The following DOCK10 variants were observed in gnomAD, a reference collection of about 807,000 sequenced individuals.
The protein encoded by DOCK10 is dedicator of cytokinesis 10, also known as dedicator of cytokinesis protein 10.
In DOCK10, 145 loss-of-function variants were observed where a neutral mutation model predicts 280.1. The observed-to-expected ratio is 0.52, with a 90% CI of 0.45 to 0.59. DOCK10 has a LOEUF of 0.59. Ranked by LOEUF, DOCK10 falls within the 20% of genes least tolerant of loss-of-function variation. DOCK10 has a pLI of 0.00. For missense variants in DOCK10, 2,368 were observed against 2,651.7 expected (o/e 0.89, Z 2.35); for synonymous variants, 915 against 942.2 (o/e 0.97, Z 0.53).
chr2:225,013,792 C>A (rs1436385721), intron 1 of DOCK10, among the ~76,000 whole-genome samples: 3 of 152,070 alleles, frequency 2.0e-5, no homozygotes, highest in Non-Finnish European at 4.4e-5. Flanking sequence ...GTTCAACCAC[C>A]AGCTCTGCAA....
chr2:225,010,302 A>G (rs1314623060), intron 1 of DOCK10, among the ~76,000 whole-genome samples: 1 of 152,100 alleles, frequency 6.6e-6, no homozygotes, highest in East Asian at 1.9e-4. Context: ...AATTTTAACA[A>G]GAAGCCTAAA....
chr2:224,845,211 T>C lies in DOCK10; in HGVS notation c.2473A>G (p.Ser825Gly). The C allele has an allele frequency of 6.4e-7, 1 of 1,574,526 alleles. No individual in the cohort carries two copies. Among genetic ancestry groups the C allele is most frequent in the Non-Finnish European group, 8.6e-7 (1 of 1,158,164 alleles). The part of the protein sequence containing the change: ...PNYLSFQDSA[S>G]GKHGGSDIKW... The stretch of plus-strand genomic sequence containing the variant: ...TACACATTATTCAATACCTTTCCAC[T>C]TGCAGAATCTTGAAAGCTTAAATAA... Residue 825 changes from serine to glycine, a missense_variant, in exon 21 of 56, where the codon AGT becomes GGT. Transcript: ENST00000258390.
chr2:224,849,558 G>A lies in DOCK10; in HGVS notation c.2184C>T (p.Ala728=), dbSNP rs546263956. Reference sequence around the variant, plus strand: ...AGTGGTGCAGAACTGCTGTGTAGGCGGCTGAGGTGAAGAGGGGCCCTCCAG... The same window carrying A: ...AGTGGTGCAGAACTGCTGTGTAGGCAGCTGAGGTGAAGAGGGGCCCTCCAG... ...GKPGGPLFTS[A]AYTAVLHHSQ... The change falls in exon 19 of 56, where the codon GCC becomes GCT. Residue 728 remains alanine (A), a synonymous_variant. Transcript: ENST00000258390. 26 of 1,611,940 alleles carry A rather than the reference G, an allele frequency of 1.6e-5. No individual in the cohort carries two copies. Among genetic ancestry groups the A allele is most frequent in the East Asian group, 1.1e-4 (5 of 44,838 alleles).
intron 48 of DOCK10, among the ~76,000 whole-genome samples, chr2:224,788,660 C>T (rs1574822828): frequency 6.6e-6 from 1 of 152,056 alleles, no homozygotes; most frequent in East Asian, 1.9e-4. Context: ...TGAAAAATAA[C>T]TCTGGTTATT....
chr2:224,855,919 A>G lies in DOCK10; in HGVS notation c.1809-877T>C, dbSNP rs570573613. On this transcript the variant is annotated intron_variant, in intron 15 of 55. Transcript: ENST00000258390. ...TAAACACAAAGGTAATAAGTATTCAAAATTCACCACTTTCTGATTATTTTA... is the reference window on the plus strand; with the variant it reads ...TAAACACAAAGGTAATAAGTATTCAGAATTCACCACTTTCTGATTATTTTA... Among the ~76,000 whole-genome samples the G allele has an allele frequency of 2.0e-5, 3 of 152,378 alleles. No individual in the cohort carries two copies. In the East Asian group the frequency reaches 5.8e-4, roughly 29 times the overall value.
intron 1 of DOCK10, among the ~76,000 whole-genome samples, chr2:225,006,949 A>T (rs1655549694): frequency 6.6e-6 from 1 of 152,222 alleles, no homozygotes. Flanking sequence ...ACCTAACTGC[A>T]GTCAAGAGCT....
At chr2:225,025,752 T>C (rs1477243192) in intron 1 of DOCK10, among the ~76,000 whole-genome samples, 1 of 152,156 alleles carries the variant, frequency 6.6e-6, no homozygotes, top group Non-Finnish European at 1.5e-5. Context: ...GATAATGCCA[T>C]ACTGCTCCCC....
At chr2:224,855,580 C>A in intron 15 of DOCK10, among the ~76,000 whole-genome samples, 1 of 152,116 alleles carries the variant, frequency 6.6e-6, no homozygotes, top group East Asian at 1.9e-4. Flanking sequence ...ATGCGGACAC[C>A]CCTTCCCCAC....
chr2:224,774,260 CTT>C (rs1457099682), intron 52 of DOCK10, among the ~76,000 whole-genome samples: 1 of 152,162 alleles, frequency 6.6e-6, no homozygotes, highest in East Asian at 1.9e-4. Context: ...ACTGGGTGCT[CTT>C]GTTTCATTTC....
At chr2:224,785,394 C>T (rs960871114) in intron 50 of DOCK10, among the ~76,000 whole-genome samples, 4 of 152,078 alleles carry the variant, frequency 2.6e-5, no homozygotes, top group Admixed American at 1.3e-4. Flanking sequence ...AGAAAAATCC[C>T]GGCTGGATTA....
intron 2 of DOCK10, among the ~76,000 whole-genome samples, chr2:224,922,303 A>G (rs775948219): frequency 1.3e-5 from 2 of 152,126 alleles, no homozygotes; most frequent in South Asian, 4.1e-4. Context: ...GTTACAAAGA[A>G]TTTTTTCTTT....
intron 3 of DOCK10, among the ~76,000 whole-genome samples, chr2:224,896,727 G>A (rs1700008566): frequency 6.6e-6 from 1 of 151,874 alleles, no homozygotes. Flanking sequence ...ACAAAAAAAA[G>A]AAAAAAGAAA....
chr2:224,835,021 A>G (rs1033295155), intron 25 of DOCK10, among the ~76,000 whole-genome samples: 1 of 152,200 alleles, frequency 6.6e-6, no homozygotes, highest in African/African-American at 2.4e-5. Context: ...ACCGTAATTG[A>G]GAGTGAAGGC....
rs972447197 is a variant in DOCK10 at position 224,804,292 on chromosome 2, G to T, written c.4167-79C>A. On this transcript the variant is annotated intron_variant, in intron 38 of 55. Transcript: ENST00000258390. The stretch of plus-strand genomic sequence containing the variant: ...AAAAATGAATGGCAACTGACAAAAC[G>T]ATTACTGCACAATGAAATATTTCAC... 1.7e-5 allele frequency: 13 copies of T among 754,622 alleles called. No individual in the cohort carries two copies. The Admixed American group carries it at 3.1e-4, about 18-fold the overall frequency. The allele number at this position is 754,622 out of a possible 1,614,324, so 46.7% of individuals were successfully genotyped here.
intron 1 of DOCK10, among the ~76,000 whole-genome samples, chr2:225,014,082 T>TATATATATATATATATATA (rs143161746): frequency 3.7e-3 from 171 of 45,670 alleles, no homozygotes; most frequent in African/African-American, 0.015. Flanking sequence ...TCTGAATATA[T>TATATATATATATATATATA]TGTTTTTTTT....
intron 18 of DOCK10, among the ~76,000 whole-genome samples, chr2:224,851,227 G>A (rs1166707620): frequency 2.0e-5 from 3 of 152,090 alleles, no homozygotes; most frequent in Non-Finnish European, 4.4e-5. Context: ...ATCTCTGTGT[G>A]GTATTTTAGA....
At chr2:224,908,224 G>A (rs1700789014) in intron 3 of DOCK10, among the ~76,000 whole-genome samples, 1 of 148,480 alleles carries the variant, frequency 6.7e-6, no homozygotes, top group African/African-American at 2.5e-5. Context: ...GACAGCTAGA[G>A]ATTTCAACAA....
intron 1 of DOCK10, among the ~76,000 whole-genome samples, chr2:224,961,454 C>CTTTCTTTCTTTCT (rs1704426521): frequency 7.7e-6 from 1 of 129,578 alleles, no homozygotes; most frequent in South Asian, 2.6e-4. Flanking sequence ...TTCTTTCTTT[C>CTTTCTTTCTTTCT]TTTCTTTCTT....
chr2:224,851,461 A>ATTTTT (rs1371091009), intron 18 of DOCK10, among the ~76,000 whole-genome samples: 13 of 138,066 alleles, frequency 9.4e-5, no homozygotes, highest in Non-Finnish European at 1.8e-4. Flanking sequence ...TTTTTTTTAA[A>ATTTTT]AAAAAAAAAA....
Sources: allele counts gnomAD v4.1 joint callset (sites outside exome capture counted in the v4.1 genomes callset), GRCh38; gene constraint gnomAD v4.1.1; transcripts MANE v1.5; gene names NCBI Gene and HGNC (gene_info 2026-07-23, HGNC 2026-07-21).